PRMT3: variants seen among roughly 807,000 people sequenced by gnomAD.
PRMT3 encodes the protein protein arginine methyltransferase 3.
Under a neutral mutation model 71.9 loss-of-function variants are expected in PRMT3, and 62 were observed. That is an observed-to-expected ratio of 0.86 (90% CI 0.70 to 1.07). PRMT3 has a LOEUF of 1.07. Ranked by LOEUF, PRMT3 falls within the 50% of genes least tolerant of loss-of-function variation. The pLI is 0.00. For missense variants in PRMT3, 663 were observed against 643.0 expected (o/e 1.03, Z -0.34); for synonymous variants, 213 against 220.4 (o/e 0.97, Z 0.30).
chr11:20,476,979 A>G (rs1287807272), intron 13 of PRMT3, among the ~76,000 whole-genome samples: 3 of 152,168 alleles, frequency 2.0e-5, no homozygotes, highest in African/African-American at 4.8e-5. Flanking sequence ...CCTTAGAAGA[A>G]TATCTCCTAG....
chr11:20,506,278 A>ATT (rs763030474), intron 15 of PRMT3, among the ~76,000 whole-genome samples: 4 of 152,220 alleles, frequency 2.6e-5, no homozygotes, highest in Non-Finnish European at 5.9e-5. Context: ...GGTAATCTTT[A>ATT]TTATGTCCAC....
intron 9 of PRMT3, among the ~76,000 whole-genome samples, chr11:20,417,776 A>T (rs373385796): frequency 6.7e-5 from 1 of 14,820 alleles, no homozygotes; most frequent in Non-Finnish European, 5.5e-4. Flanking sequence ...TCTCTCTGTC[A>T]CACACACACA....
At chr11:20,402,176 A>G (rs925077961) in intron 7 of PRMT3, among the ~76,000 whole-genome samples, 3 of 151,692 alleles carry the variant, frequency 2.0e-5, no homozygotes, top group Non-Finnish European at 4.4e-5. Flanking sequence ...CTGGAGTGCA[A>G]TGGTGCAATC....
chr11:20,499,970 T>TA (rs1851419976), intron 15 of PRMT3, among the ~76,000 whole-genome samples: 1 of 152,006 alleles, frequency 6.6e-6, no homozygotes, highest in South Asian at 2.1e-4. Flanking sequence ...TAATAGCAAA[T>TA]AATTGGGAGG....
At chr11:20,419,474 T>C (rs986428566) in intron 9 of PRMT3, among the ~76,000 whole-genome samples, 1 of 152,242 alleles carries the variant, frequency 6.6e-6, no homozygotes, top group Non-Finnish European at 1.5e-5. Context: ...CTTTGTCATA[T>C]CTTGATGATC....
At chr11:20,481,341 T>C (rs1424700142) in intron 13 of PRMT3, among the ~76,000 whole-genome samples, 1 of 152,036 alleles carries the variant, frequency 6.6e-6, no homozygotes, top group Admixed American at 6.6e-5. Context: ...TGTGAACATG[T>C]GCCCCAAAAT....
At chr11:20,426,991 A>G (rs912034873) in intron 10 of PRMT3, 126 bp downstream of exon 10, 1 of 1,306,452 alleles carries the variant, frequency 7.7e-7, no homozygotes, top group Non-Finnish European at 9.9e-7. Flanking sequence ...TTAAGTAGCT[A>G]CATTAGATAC....
At chr11:20,448,010 G>T (rs2044216) in intron 10 of PRMT3, among the ~76,000 whole-genome samples, 148,056 of 152,198 alleles carry the variant, frequency 0.97, 72,345 homozygotes, top group Middle Eastern at 1. Flanking sequence ...TGTAAACAAA[G>T]TGTTTTACTC....
At chr11:20,425,329 A>G (rs975579211) in intron 9 of PRMT3, among the ~76,000 whole-genome samples, 1 of 152,234 alleles carries the variant, frequency 6.6e-6, no homozygotes, top group African/African-American at 2.4e-5. Context: ...AGGAATGCAC[A>G]TGTATTACTG....
chr11:20,394,640 C>G (rs1848786757), intron 5 of PRMT3, among the ~76,000 whole-genome samples: 1 of 152,132 alleles, frequency 6.6e-6, no homozygotes, highest in Admixed American at 6.6e-5. Flanking sequence ...CTGCAAATTT[C>G]AAGTATACAG....
intron 7 of PRMT3, 129 bp from the exon 8 acceptor site, chr11:20,402,790 C>T: frequency 1.8e-6 from 1 of 571,210 alleles, no homozygotes. Context: ...AAAAAATAAG[C>T]TTGGTATCCC....
At chr11:20,425,746 A>G (rs1849531629) in intron 9 of PRMT3, among the ~76,000 whole-genome samples, 1 of 152,186 alleles carries the variant, frequency 6.6e-6, no homozygotes, top group Non-Finnish European at 1.5e-5. Context: ...TTGCTTGTGG[A>G]TGGGGAGATT....
chr11:20,455,518 G>GT (rs1162577243), intron 11 of PRMT3, among the ~76,000 whole-genome samples: 1 of 152,092 alleles, frequency 6.6e-6, no homozygotes, highest in Non-Finnish European at 1.5e-5. Context: ...ACCAAAAAGA[G>GT]TGAGTTTTGC....
In PRMT3 at chr11:20,397,676, T is replaced by G. The variant is rs113771285; in HGVS notation, c.660T>G (p.Tyr220Ter). 1 of 1,614,230 alleles carries G rather than the reference T, an allele frequency of 6.2e-7. No individual in the cohort carries two copies. Among genetic ancestry groups the G allele is most frequent in the African/African-American group, 1.3e-5 (1 of 75,060 alleles). Residue 220 changes from tyrosine to a stop codon, truncating the protein, a stop_gained, in exon 7 of 16, where the codon TAT becomes TAG. Transcript: ENST00000331079. LOFTEE classifies it high-confidence loss of function. The part of the protein sequence containing the change: ...ADLQEDEDGV[Y>*]FSSYGHYGIH... ...TCCAGGAGGATGAGGATGGTGTTTA[T>G]TTCAGCTCATACGGGCATTATGGGA...
chr11:20,415,805 T>G (rs1326905996), intron 9 of PRMT3, among the ~76,000 whole-genome samples: 1 of 152,132 alleles, frequency 6.6e-6, no homozygotes, highest in Non-Finnish European at 1.5e-5. Flanking sequence ...TAAAATAGAG[T>G]AACATTATTA....
intron 15 of PRMT3, among the ~76,000 whole-genome samples, chr11:20,500,245 CAG>C (rs1851426661): frequency 2.6e-5 from 4 of 152,082 alleles, no homozygotes; most frequent in South Asian, 2.1e-4. Context: ...GAACATTGCT[CAG>C]AGAAATTAAA....
intron 13 of PRMT3, among the ~76,000 whole-genome samples, chr11:20,481,928 C>T (rs1395793126): frequency 6.6e-6 from 1 of 152,004 alleles, no homozygotes; most frequent in Non-Finnish European, 1.5e-5. Flanking sequence ...TTTTTGGAAA[C>T]ATTACCATTA....
intron 9 of PRMT3, among the ~76,000 whole-genome samples, chr11:20,408,455 A>G (rs1384482562): frequency 6.6e-6 from 1 of 152,168 alleles, no homozygotes; most frequent in Admixed American, 6.6e-5. Flanking sequence ...CTTTTGTAAC[A>G]ACACTAGTCC....
Position 20,389,797 on chromosome 11 carries a change from T to A in PRMT3, c.218T>A (p.Phe73Tyr). The A allele has an allele frequency of 3.1e-6, 5 of 1,611,908 alleles. No individual in the cohort carries two copies. Among genetic ancestry groups the A allele is most frequent in the Non-Finnish European group, 4.2e-6 (5 of 1,178,134 alleles). The change falls in exon 3 of 16, where the codon TTT becomes TAT. Residue 73 changes from phenylalanine to tyrosine, a missense_variant. Coordinates refer to ENST00000331079, the MANE Select transcript of PRMT3 (RefSeq NM_005788.4). ...TCACACTGTAAGTCTGAGCATCAGT[T>A]TAATATTGACAGCATGGTTCATAAA... ...TFSHCKSEHQFNIDSMVHKHG... is the reference protein window; with the variant it reads ...TFSHCKSEHQYNIDSMVHKHG...
Sources: allele counts gnomAD v4.1 joint callset (sites outside exome capture counted in the v4.1 genomes callset), GRCh38; gene constraint gnomAD v4.1.1; transcripts MANE v1.5; gene names NCBI Gene and HGNC (gene_info 2026-07-23, HGNC 2026-07-21).